Variants in SOX6 observed in about 807,000 individuals in gnomAD.
SOX6 encodes the protein SRY-box transcription factor 6, also known as transcription factor SOX-6.
Under a neutral mutation model 97.8 loss-of-function variants are expected in SOX6, and 11 were observed. The ratio of observed to expected loss-of-function variants is 0.11; its 90% CI spans 0.07 to 0.19. The LOEUF (loss-of-function observed/expected upper bound fraction) is 0.19, where lower values mean the gene tolerates loss of function less well. Ranked by LOEUF, SOX6 falls within the 10% of genes least tolerant of loss-of-function variation. SOX6 has a pLI of 1.00. For synonymous variants in SOX6, 360 were observed against 371.4 expected (o/e 0.97, Z 0.35); for missense variants, 810 against 1,039.5 (o/e 0.78, Z 3.04).
intron 3 of SOX6, among the ~76,000 whole-genome samples, chr11:16,265,678 A>G (rs1031272878): frequency 1.3e-5 from 2 of 151,914 alleles, no homozygotes; most frequent in African/African-American, 2.4e-5. Context: ...AGTTATTAAA[A>G]CTATATTTTT....
chr11:16,394,994 C>T (rs142633279), intron 1 of SOX6, among the ~76,000 whole-genome samples: 2 of 151,926 alleles, frequency 1.3e-5, no homozygotes, highest in East Asian at 1.9e-4. Flanking sequence ...TACCGCCATC[C>T]GCACCCCAAT....
At chr11:16,067,905 A>G (rs1031172613) in intron 9 of SOX6, among the ~76,000 whole-genome samples, 1 of 152,198 alleles carries the variant, frequency 6.6e-6, no homozygotes, top group Non-Finnish European at 1.5e-5. Context: ...AAAAATTACT[A>G]TTCTATAGAA....
At chr11:16,126,799 C>A (rs1296445105) in intron 6 of SOX6, among the ~76,000 whole-genome samples, 1 of 152,080 alleles carries the variant, frequency 6.6e-6, no homozygotes, top group African/African-American at 2.4e-5. Context: ...TTACACTAGC[C>A]CTTTTTATAC....
chr11:16,413,764 G>A (rs1273919454), intron 1 of SOX6, among the ~76,000 whole-genome samples: 2 of 151,088 alleles, frequency 1.3e-5, no homozygotes, highest in African/African-American at 4.9e-5. Flanking sequence ...CAGGTGATCC[G>A]CCCACCTCAG....
rs1190040998 is a variant in SOX6 at position 16,390,361 on chromosome 11, C to A, written c.-4-49109G>T. On this transcript the variant is annotated intron_variant, in intron 1 of 15. Coordinates refer to the SOX6 transcript ENST00000396356. ...GCATTCTTCCAAAGCTCATTCTCCT[C>A]TCAAGATTTAGTCTGTTTCAAGTTG... Among the ~76,000 whole-genome samples, 8 of 152,148 alleles carry A rather than the reference C, an allele frequency of 5.3e-5. No individual in the cohort carries two copies. The East Asian group carries it at 1.4e-3, about 26-fold the overall frequency.
chr11:16,733,755 G>A (rs1245310825), intron 2 of SOX6, among the ~76,000 whole-genome samples: 32 of 148,980 alleles, frequency 2.1e-4, no homozygotes, highest in Non-Finnish European at 3.3e-4. Context: ...GGCCAGGCAC[G>A]GTGGCTCACG....
chr11:16,014,949 A>G lies in SOX6; in HGVS notation c.1725T>C (p.Asp575=), dbSNP rs751973521. 6.2e-7 allele frequency: 1 copy of G among 1,612,796 alleles called. No homozygotes were observed. Among genetic ancestry groups the G allele is most frequent in the Non-Finnish European group, 8.5e-7 (1 of 1,179,172 alleles). ...TAGAGAAAAGCCACTCACCCTCTGC[A>G]TCTTCTGGCCGAGTAAGGTCGATGA... is the stretch of plus-strand genomic sequence containing the variant. The part of the protein sequence containing the change: ...PGVIDLTRPE[D]AEGSKAMNGS... Residue 575 remains aspartate (D), a synonymous_variant, in exon 13 of 16, where the codon GAT becomes GAC. Coordinates refer to ENST00000683767, the MANE Select transcript of SOX6 (RefSeq NM_001367873.1).
At chr11:16,032,403 A>T (rs1360558068) in intron 12 of SOX6, among the ~76,000 whole-genome samples, 4 of 152,232 alleles carry the variant, frequency 2.6e-5, no homozygotes, top group East Asian at 1.9e-4. Context: ...TTAAAAATTC[A>T]TCAGTCACAA....
chr11:16,362,341 G>C (rs539378504), intron 1 of SOX6, among the ~76,000 whole-genome samples: 2 of 151,944 alleles, frequency 1.3e-5, no homozygotes, highest in South Asian at 4.2e-4. Context: ...AAAAAATAAA[G>C]ACCCTCCCAG....
At chr11:16,576,731 C>T (rs1260869553) in intron 4 of SOX6, 2 of 152,168 alleles carry the variant, frequency 1.3e-5, no homozygotes, top group African/African-American at 4.8e-5. Flanking sequence ...CGTCTCCTTA[C>T]AACACTCCTA....
chr11:16,385,182 A>T (rs1857944662), intron 1 of SOX6, among the ~76,000 whole-genome samples: 1 of 152,086 alleles, frequency 6.6e-6, no homozygotes, highest in African/African-American at 2.4e-5. Context: ...CTGTGGCAGA[A>T]TCATAACTAG....
intron 4 of SOX6, among the ~76,000 whole-genome samples, chr11:16,543,104 C>T (rs1314771586): frequency 6.6e-6 from 1 of 151,954 alleles, no homozygotes; most frequent in African/African-American, 2.4e-5. Context: ...AATTGAGCAC[C>T]TACTAACAGG....
intron 4 of SOX6, among the ~76,000 whole-genome samples, chr11:16,232,522 C>T (rs1852884363): frequency 6.6e-6 from 1 of 151,970 alleles, no homozygotes; most frequent in Admixed American, 6.6e-5. Flanking sequence ...GTGATTTATA[C>T]ATTCCAAGTA....
rs968494497 is a variant in SOX6, at chr11:16,610,979, G to A, written n.609+1102C>T. 1.3e-5 allele frequency among the ~76,000 whole-genome samples: 2 copies of A among 152,222 alleles called. No individual in the cohort carries two copies. Among genetic ancestry groups the A allele is most frequent in the Admixed American group, 6.5e-5 (1 of 15,292 alleles). On this transcript the variant is annotated intron_variant and non_coding_transcript_variant, in intron 4 of 5. Transcript: ENST00000524520. The surrounding 1 kb of genome is among the most constrained non-coding windows in gnomAD (Gnocchi z 4.4). Reference sequence around the variant, plus strand: ...GAGCCCCACGCGGCGCAAGAACCCCGGGCGCTGAGCTCCGGGGAACCTGGG... The same window carrying A: ...GAGCCCCACGCGGCGCAAGAACCCCAGGCGCTGAGCTCCGGGGAACCTGGG...
At chr11:16,272,300 A>G (rs1283908593) in intron 3 of SOX6, among the ~76,000 whole-genome samples, 6 of 151,616 alleles carry the variant, frequency 4.0e-5, no homozygotes, top group African/African-American at 1.2e-4. Flanking sequence ...ACAGAAACCA[A>G]AAAAAGGGGG....
intron 3 of SOX6, among the ~76,000 whole-genome samples, chr11:16,262,376 G>A (rs904049938): frequency 6.6e-6 from 1 of 152,026 alleles, no homozygotes; most frequent in African/African-American, 2.4e-5. Context: ...ACTAAAGTGA[G>A]GAGGAAAATC....
intron 1 of SOX6, among the ~76,000 whole-genome samples, chr11:16,366,233 T>A (rs549574241): frequency 6.6e-6 from 1 of 152,260 alleles, no homozygotes; most frequent in Non-Finnish European, 1.5e-5. Context: ...TCATTTGCCA[T>A]CTTTCATATT....
chr11:16,619,887 C>T (rs1590013859), intron 3 of SOX6, among the ~76,000 whole-genome samples: 2 of 152,014 alleles, frequency 1.3e-5, no homozygotes, highest in East Asian at 3.9e-4. Context: ...GAATGTATTT[C>T]ACTGTTAAGT....
chr11:16,055,833 C>T lies in SOX6; in HGVS notation c.1170G>A (p.Gln390=), dbSNP rs770641907. Residue 390 remains glutamine (Q), a synonymous_variant, in exon 10 of 16, where the codon CAG becomes CAA. Coordinates refer to ENST00000683767, the MANE Select transcript of SOX6 (RefSeq NM_001367873.1). ...AGACCGTCCCTGCTGTGTTTGGTGG[C>T]TGTGGAGTTGATGGCATCTTTGCTC... ...SPGAKMPSTP[Q]PPNTAGTVSP... is the part of the protein sequence containing the mutation. The T allele has an allele frequency of 6.2e-7, 1 of 1,613,766 alleles. No homozygotes were observed. Among genetic ancestry groups the T allele is most frequent in the Non-Finnish European group, 8.5e-7 (1 of 1,179,856 alleles).
Sources: gnomAD v4.1 joint callset for allele counts (sites outside exome capture counted in the v4.1 genomes callset) on GRCh38, gnomAD v4.1.1 for gene constraint, Gnocchi (gnomAD v3.1) non-coding constraint, MANE v1.5 for transcripts, NCBI Gene and HGNC (gene_info 2026-07-23, HGNC 2026-07-21) for gene names.